Variants in DOCK1 observed in about 807,000 individuals in gnomAD.
The protein encoded by DOCK1 is dedicator of cytokinesis 1, also known as dedicator of cytokinesis protein 1.
Under a neutral mutation model 262.7 loss-of-function variants are expected in DOCK1, and 138 were observed. That is an observed-to-expected ratio of 0.53 (90% CI 0.46 to 0.61). The LOEUF (loss-of-function observed/expected upper bound fraction) is 0.61, where lower values mean the gene tolerates loss of function less well. Ranked by LOEUF, DOCK1 falls within the 20% of genes least tolerant of loss-of-function variation. DOCK1 has a pLI of 0.00. For missense variants in DOCK1, 1,908 were observed against 2,370.7 expected, an observed-to-expected ratio of 0.80 and a Z score of 4.05; for synonymous variants, 866 against 867.4, an observed-to-expected ratio of 1.00 and a Z score of 0.03.
chr10:127,233,701 C>T (rs151038230), intron 27 of DOCK1, among the ~76,000 whole-genome samples: 1 of 152,314 alleles, frequency 6.6e-6, no homozygotes, highest in East Asian at 1.9e-4. Flanking sequence ...TGTGCCTTCG[C>T]AAAGGTTTCA....
At chr10:127,265,839 C>T (rs1216795520) in intron 29 of DOCK1, among the ~76,000 whole-genome samples, 1 of 152,228 alleles carries the variant, frequency 6.6e-6, no homozygotes, top group Non-Finnish European at 1.5e-5. Context: ...GCCTTAAGCC[C>T]TAGAAAGGGA....
chr10:126,923,335 T>G (rs1411488527), intron 1 of DOCK1, among the ~76,000 whole-genome samples: 1 of 151,954 alleles, frequency 6.6e-6, no homozygotes, highest in African/African-American at 2.4e-5. Flanking sequence ...GTAAAAAACT[T>G]AGGCATGGCT....
At chr10:127,036,128 G>A (rs925025438) in intron 18 of DOCK1, among the ~76,000 whole-genome samples, 18 of 152,172 alleles carry the variant, frequency 1.2e-4, no homozygotes, top group Admixed American at 6.5e-5. Flanking sequence ...TCTGCTAAGT[G>A]CTTTCTACAC....
intron 35 of DOCK1, among the ~76,000 whole-genome samples, chr10:127,378,649 A>G (rs2065658540): frequency 6.6e-6 from 1 of 152,208 alleles, no homozygotes. Flanking sequence ...CCGTTGTGAA[A>G]TTGTAAAGAA....
chr10:127,206,464 A>G (rs2057729552), intron 27 of DOCK1, among the ~76,000 whole-genome samples: 1 of 152,200 alleles, frequency 6.6e-6, no homozygotes, highest in African/African-American at 2.4e-5. Context: ...TCTTATATAT[A>G]CATGTGTATA....
intron 1 of DOCK1, among the ~76,000 whole-genome samples, chr10:126,949,170 C>T (rs940618686): frequency 5.9e-5 from 9 of 152,028 alleles, no homozygotes; most frequent in African/African-American, 2.2e-4. Context: ...GATCCATCTC[C>T]ATTGATTCCC....
chr10:127,197,353 C>T (rs779622976), intron 27 of DOCK1, among the ~76,000 whole-genome samples: 5 of 152,158 alleles, frequency 3.3e-5, no homozygotes, highest in African/African-American at 9.7e-5. Context: ...ACCTAGGATG[C>T]ACACGGAGCT....
chr10:127,102,288 A>G (rs1401873255), intron 23 of DOCK1, among the ~76,000 whole-genome samples: 1 of 152,160 alleles, frequency 6.6e-6, no homozygotes. Flanking sequence ...CCTCCGTGAA[A>G]GGGGATAGTA....
chr10:127,436,974 G>T (rs1161395612), intron 48 of DOCK1, among the ~76,000 whole-genome samples: 1 of 152,002 alleles, frequency 6.6e-6, no homozygotes, highest in Non-Finnish European at 1.5e-5. Context: ...GGAAATCCTA[G>T]GTTGTGTATC....
At chr10:127,268,526 G>GAAA (rs1564952236) in intron 29 of DOCK1, among the ~76,000 whole-genome samples, 4 of 108,594 alleles carry the variant, frequency 3.7e-5, no homozygotes, top group East Asian at 2.7e-4. Context: ...AAAAAAAGAA[G>GAAA]AGGAAAGAAA....
chr10:127,437,657 T>A lies in DOCK1; in HGVS notation c.5061-1370T>A, dbSNP rs1452923774. On this transcript the variant is annotated intron_variant, in intron 48 of 51. Transcript: ENST00000623213. The surrounding 1 kb of genome is among the most constrained non-coding windows in gnomAD (Gnocchi z 4.4). ...CCATGCCCAGCTAATTTTTGTACGT[T>A]TTATCGAGACTGGATCTTGCCATGT... 2.0e-5 allele frequency among the ~76,000 whole-genome samples: 3 copies of A among 152,082 alleles called. No individual in the cohort carries two copies. Among genetic ancestry groups the A allele is most frequent in the Non-Finnish European group, 4.4e-5 (3 of 68,004 alleles).
At chr10:127,399,691 T>TG (rs909755687) in intron 38 of DOCK1, among the ~76,000 whole-genome samples, 1 of 152,160 alleles carries the variant, frequency 6.6e-6, no homozygotes, top group Admixed American at 6.5e-5. Flanking sequence ...TTAGAAGCCC[T>TG]GGCATTCTAG....
chr10:127,439,542 G>A lies in DOCK1; in HGVS notation c.5259+317G>A, dbSNP rs76588150. On this transcript the variant is annotated intron_variant, in intron 49 of 51. Coordinates refer to ENST00000623213, the MANE Select transcript of DOCK1 (RefSeq NM_001290223.2). ...CACATGTCCTAATATCCCAGAAGATGAGCAGGAGTCCTTTTGTTGTCAGGA... is the reference window on the plus strand; with the variant it reads ...CACATGTCCTAATATCCCAGAAGATAAGCAGGAGTCCTTTTGTTGTCAGGA... 9.2e-3 allele frequency among the ~76,000 whole-genome samples: 1,400 copies of A among 152,326 alleles called. 21 individuals carry two copies. Among genetic ancestry groups the A allele is most frequent in the African/African-American group, 0.032 (1,313 of 41,566 alleles).
chr10:127,257,511 CA>C lies in DOCK1; in HGVS notation c.3044+84del. The stretch of plus-strand genomic sequence containing the variant: ...GGGAACAGTGGTGTTGCCTGGAGAC[CA>C]AGCTGGCTTCAATAAAATGCTCTGC... On this transcript the variant is annotated intron_variant, in intron 29 of 51. Transcript: ENST00000623213. The C allele has an allele frequency of 3.9e-6, 5 of 1,291,870 alleles. No individual in the cohort carries two copies. The East Asian group carries it at 1.3e-4, about 33-fold the overall frequency. 80.0% of individuals were successfully genotyped at this position (1,291,870 alleles called of 1,614,324 possible).
chr10:127,231,498 C>T (rs1226282990), intron 27 of DOCK1, among the ~76,000 whole-genome samples: 1 of 151,936 alleles, frequency 6.6e-6, no homozygotes, highest in Non-Finnish European at 1.5e-5. Flanking sequence ...TGGATCACTG[C>T]AGCCTCCACT....
intron 27 of DOCK1, among the ~76,000 whole-genome samples, chr10:127,213,797 C>G (rs1429627470): frequency 6.6e-6 from 1 of 152,172 alleles, no homozygotes; most frequent in Non-Finnish European, 1.5e-5. Flanking sequence ...CCCCTGTAGA[C>G]GTTTCTGCCT....
At chr10:127,174,205 C>T (rs1326553580) in intron 27 of DOCK1, among the ~76,000 whole-genome samples, 1 of 152,230 alleles carries the variant, frequency 6.6e-6, no homozygotes, top group Non-Finnish European at 1.5e-5. Flanking sequence ...TCAGGGCTCG[C>T]AGAGTGAAGG....
intron 18 of DOCK1, among the ~76,000 whole-genome samples, chr10:127,037,346 C>T (rs1564752060): frequency 6.6e-6 from 1 of 152,180 alleles, no homozygotes; most frequent in East Asian, 1.9e-4. Flanking sequence ...GCAGGAGAAA[C>T]AAACCATTTG....
chr10:127,093,242 C>CTTTTCTTTCTTTCTTTCTTTCTTTT (rs2047679021), intron 23 of DOCK1, among the ~76,000 whole-genome samples: 2 of 79,340 alleles, frequency 2.5e-5, no homozygotes, highest in South Asian at 4.3e-4. Flanking sequence ...TTTCTTTCTT[C>CTTTTCTTTCTTTCTTTCTTTCTTTT]TTTTTTTTTT....
Sources: allele counts gnomAD v4.1 joint callset (sites outside exome capture counted in the v4.1 genomes callset), GRCh38; gene constraint gnomAD v4.1.1; non-coding constraint Gnocchi (gnomAD v3.1); transcripts MANE v1.5; gene names NCBI Gene and HGNC (gene_info 2026-07-23, HGNC 2026-07-21).